The following ANK2 variants were observed in gnomAD, a reference collection of about 807,000 sequenced individuals.
The protein encoded by ANK2 is ankyrin-2.
In ANK2, 83 loss-of-function variants were observed where a neutral mutation model predicts 360.5. That is an observed-to-expected ratio of 0.23 (90% CI 0.19 to 0.28). The LOEUF (loss-of-function observed/expected upper bound fraction) is 0.28, where lower values mean the gene tolerates loss of function less well. Ranked by LOEUF, ANK2 falls within the 10% of genes least tolerant of loss-of-function variation. ANK2 has a pLI of 1.00. For missense variants in ANK2, 4,201 were observed against 4,795.7 expected, an observed-to-expected ratio of 0.88 and a Z score of 3.66; for synonymous variants, 1,740 against 1,759.5, an observed-to-expected ratio of 0.99 and a Z score of 0.28.
chr4:113,168,596 C>T (rs1319102783), intron 1 of ANK2, among the ~76,000 whole-genome samples: 5 of 152,134 alleles, frequency 3.3e-5, no homozygotes, highest in African/African-American at 9.7e-5. Context: ...CCAGAGTGTA[C>T]AAATTTATGG....
chr4:112,822,254 A>C (rs1284594372), intron 1 of ANK2, among the ~76,000 whole-genome samples: 23 of 149,348 alleles, frequency 1.5e-4, no homozygotes, highest in Middle Eastern at 3.4e-3. Context: ...AAAAAAAAAA[A>C]AAAAAAAACA....
chr4:113,071,994 C>G (rs1292219082), intron 1 of ANK2: 2 of 152,232 alleles, frequency 1.3e-5, no homozygotes, highest in Non-Finnish European at 2.9e-5. Flanking sequence ...TGAGAACTAA[C>G]TCACTATCAG....
chr4:113,232,621 G>T (rs1371222204), intron 5 of ANK2, among the ~76,000 whole-genome samples: 2 of 151,972 alleles, frequency 1.3e-5, no homozygotes, highest in East Asian at 3.9e-4. Context: ...ATTCCTTAAA[G>T]GAACAATTTT....
At chr4:113,252,815 T>C (rs1484912552) in intron 10 of ANK2, among the ~76,000 whole-genome samples, 3 of 152,204 alleles carry the variant, frequency 2.0e-5, no homozygotes, top group Non-Finnish European at 4.4e-5. Flanking sequence ...CTCACATTCA[T>C]GCAATCAAAT....
chr4:112,840,536 G>A (rs2061872590), intron 1 of ANK2, among the ~76,000 whole-genome samples: 1 of 152,116 alleles, frequency 6.6e-6, no homozygotes, highest in African/African-American at 2.4e-5. Context: ...AGGGCCACAG[G>A]CTTATATACC....
Position 113,279,298 on chromosome 4 carries a change from G to A in ANK2, c.1881+740G>A, listed in dbSNP as rs547667176. ...ATGGGAAAATATTTATGCTATATTA[G>A]ACAATATAATAAAAAAACTGCCACC... On this transcript the variant is annotated intron_variant, in intron 17 of 45. Coordinates refer to ENST00000357077, the MANE Select transcript of ANK2 (RefSeq NM_001148.6). Among the ~76,000 whole-genome samples, 300 of 152,156 alleles carry A rather than the reference G, an allele frequency of 2.0e-3. 1 individual carries two copies. Among genetic ancestry groups the A allele is most frequent in the Non-Finnish European group, 3.5e-3 (239 of 68,002 alleles).
chr4:113,250,763 C>G (rs983325119), intron 10 of ANK2, among the ~76,000 whole-genome samples: 4 of 140,188 alleles, frequency 2.9e-5, no homozygotes, highest in African/African-American at 5.2e-5. Context: ...CCGCCCCCCC[C>G]CCCGACAGAG....
chr4:112,978,358 T>G (rs1194974895), intron 2 of ANK2, among the ~76,000 whole-genome samples: 1 of 152,208 alleles, frequency 6.6e-6, no homozygotes, highest in African/African-American at 2.4e-5. Flanking sequence ...ATACTTAAAA[T>G]AAAACTTCCT....
chr4:113,124,557 G>C (rs2095549878), intron 1 of ANK2, among the ~76,000 whole-genome samples: 1 of 151,888 alleles, frequency 6.6e-6, no homozygotes, highest in Non-Finnish European at 1.5e-5. Flanking sequence ...CTGTCTTTCT[G>C]GTTCACCACA....
chr4:112,768,084 T>C, the ANK2 span, among the ~76,000 whole-genome samples: 1 of 152,186 alleles, frequency 6.6e-6, no homozygotes, highest in Non-Finnish European at 1.5e-5. Context: ...GAGTGGCTGT[T>C]GTTTAACAGG....
At chr4:112,855,162 G>C (rs2066039348) in intron 1 of ANK2, among the ~76,000 whole-genome samples, 1 of 152,166 alleles carries the variant, frequency 6.6e-6, no homozygotes, top group Non-Finnish European at 1.5e-5. Flanking sequence ...ATTTACAGAA[G>C]GACTCACCTC....
intron 29 of ANK2, 104 bp downstream of exon 29, chr4:113,333,312 GT>G: frequency 1.5e-6 from 2 of 1,314,222 alleles, no homozygotes; most frequent in Non-Finnish European, 2.1e-6. Context: ...GTGTGTGTGT[GT>G]GTGTGTGTGT....
chr4:112,999,374 A>C (rs1012270033), intron 2 of ANK2, among the ~76,000 whole-genome samples: 1 of 152,176 alleles, frequency 6.6e-6, no homozygotes, highest in Non-Finnish European at 1.5e-5. Context: ...CAAGCCCAGC[A>C]TGAGCTCTTT....
At chr4:113,184,104 T>C (rs752723868) in intron 2 of ANK2, among the ~76,000 whole-genome samples, 5 of 147,994 alleles carry the variant, frequency 3.4e-5, no homozygotes, top group Non-Finnish European at 7.5e-5. Flanking sequence ...AGGGAAGCAG[T>C]GTCTTTGGAT....
rs376062127 is a variant in ANK2, at chr4:113,323,744, T to C, written c.2900+5124T>C. ...TCCGTTCCTTCTCTGTGCTAAAGTA[T>C]CTATTCTGTTGCAGCCGCGCCTCTC... On this transcript the variant is annotated intron_variant, in intron 26 of 45. Coordinates refer to ENST00000357077, the MANE Select transcript of ANK2 (RefSeq NM_001148.6). The C allele has an allele frequency of 3.7e-6, 6 of 1,610,560 alleles. No individual in the cohort carries two copies. In the South Asian group the frequency reaches 5.5e-5, roughly 15 times the overall value.
At chr4:113,309,835 A>G (rs1036079231) in intron 23 of ANK2, among the ~76,000 whole-genome samples, 7 of 152,146 alleles carry the variant, frequency 4.6e-5, no homozygotes, top group Non-Finnish European at 1.0e-4. Context: ...GAAGTTTTAA[A>G]TTTTTGTCTT....
chr4:113,179,610 A>T (rs969866550), intron 2 of ANK2, among the ~76,000 whole-genome samples: 7 of 152,330 alleles, frequency 4.6e-5, no homozygotes, highest in Admixed American at 1.3e-4. Flanking sequence ...AGATTACACC[A>T]GTCATCTTTT....
rs2045021530 is a variant in ANK2, at chr4:113,249,633, A to G, written c.892-131A>G. The G allele has an allele frequency of 3.7e-6, 3 of 805,892 alleles. No individual in the cohort carries two copies. In the South Asian group the frequency reaches 4.4e-5, roughly 12 times the overall value. 49.9% of individuals were successfully genotyped at this position (805,892 alleles called of 1,614,324 possible). On this transcript the variant is annotated intron_variant, in intron 9 of 45. Transcript: ENST00000357077. ...ACTCATCTTTCTGGTTATTTAACAA[A>G]TTGCAGTTCTATTACTTATTTATTG...
chr4:113,218,474 C>T (rs10022554), intron 4 of ANK2, among the ~76,000 whole-genome samples: 74 of 149,698 alleles, frequency 4.9e-4, no homozygotes, highest in African/African-American at 1.7e-3. Context: ...AAATGACTGA[C>T]ATTGATGAAG....
Sources: allele counts gnomAD v4.1 joint callset (sites outside exome capture counted in the v4.1 genomes callset), GRCh38; gene constraint gnomAD v4.1.1; transcripts MANE v1.5; gene names NCBI Gene and HGNC (gene_info 2026-07-23, HGNC 2026-07-21).